Variants in KIAA1217 observed in about 807,000 individuals in gnomAD.
KIAA1217 encodes KIAA1217.
KIAA1217 carries 88 observed loss-of-function variants against 163.9 expected under a neutral mutation model. The observed-to-expected ratio is 0.54, with a 90% CI of 0.45 to 0.64. The LOEUF (loss-of-function observed/expected upper bound fraction) is 0.64. Ranked by LOEUF, KIAA1217 falls within the 30% of genes least tolerant of loss-of-function variation. The probability of loss-of-function intolerance (pLI) is 0.00; values close to 1 mark genes in which losing one functional copy is unlikely to be tolerated. For missense variants in KIAA1217, 2,372 were observed against 2,475.0 expected (o/e 0.96, Z 0.88); for synonymous variants, 903 against 923.1 (o/e 0.98, Z 0.39).
At chr10:24,413,553 C>A (rs1263437492) in intron 3 of KIAA1217, among the ~76,000 whole-genome samples, 1 of 152,176 alleles carries the variant, frequency 6.6e-6, no homozygotes, top group East Asian at 1.9e-4. Flanking sequence ...TGTTGCCTTG[C>A]AGCTCAATCA....
Position 24,545,712 on chromosome 10 carries a change from T to G in KIAA1217, c.5335-115T>G. 8 of 1,502,660 alleles carry G rather than the reference T, an allele frequency of 5.3e-6. No homozygotes were observed. In the South Asian group the frequency reaches 1.1e-4, roughly 21 times the overall value. The allele number at this position is 1,502,660 out of a possible 1,614,324, so 93.1% of individuals were successfully genotyped here. A position where few individuals can be genotyped will look rare whatever the true frequency, so the allele number is the denominator to read the frequency against. On this transcript the variant is annotated intron_variant, in intron 20 of 20. Coordinates refer to ENST00000376454, the MANE Select transcript of KIAA1217 (RefSeq NM_019590.5). ...GACTTAGCTCAGGCCTTGAACTGTG[T>G]TTGGTTGGTTTTCTTTGATTGAATT...
chr10:23,745,597 G>GTA (rs1351829452), intron 1 of KIAA1217, among the ~76,000 whole-genome samples: 3 of 152,164 alleles, frequency 2.0e-5, no homozygotes, highest in African/African-American at 4.8e-5. Flanking sequence ...AGTTTTAGCT[G>GTA]TATATATATT....
At chr10:23,899,508 G>A (rs1032989512) in intron 1 of KIAA1217, among the ~76,000 whole-genome samples, 2 of 152,142 alleles carry the variant, frequency 1.3e-5, no homozygotes, top group South Asian at 2.1e-4. Context: ...GGGAAAGAGA[G>A]AGAGAAAGTA....
At chr10:24,418,124 T>C (rs969007251) in intron 3 of KIAA1217, among the ~76,000 whole-genome samples, 6 of 150,394 alleles carry the variant, frequency 4.0e-5, no homozygotes, top group Non-Finnish European at 1.5e-5. Context: ...AAAATGCTGC[T>C]TTTTTTTTAT....
intron 2 of KIAA1217, among the ~76,000 whole-genome samples, chr10:24,346,332 C>T (rs930680287): frequency 1.1e-4 from 16 of 151,752 alleles, no homozygotes; most frequent in Admixed American, 8.5e-4. Flanking sequence ...ATTTGCTGGG[C>T]ATGGTGGCGG....
intron 3 of KIAA1217, among the ~76,000 whole-genome samples, chr10:24,402,516 C>CAAAAACAA (rs2056667285): frequency 1.1e-5 from 1 of 92,988 alleles, no homozygotes; most frequent in African/African-American, 4.3e-5. Flanking sequence ...CTCAAAAAAA[C>CAAAAACAA]AAAAAACAAA....
chr10:24,099,569 T>TTATATATATA (rs529207171), intron 2 of KIAA1217, among the ~76,000 whole-genome samples: 22 of 144,204 alleles, frequency 1.5e-4, no homozygotes, highest in African/African-American at 5.6e-4. Flanking sequence ...CACATTTTCT[T>TTATATATATA]TATATATATA....
intron 1 of KIAA1217, among the ~76,000 whole-genome samples, chr10:23,786,644 T>C (rs1287888071): frequency 6.6e-6 from 1 of 152,164 alleles, no homozygotes; most frequent in Non-Finnish European, 1.5e-5. Context: ...CCTGTAATCA[T>C]TAAGCATAGG....
intron 2 of KIAA1217, among the ~76,000 whole-genome samples, chr10:24,169,463 T>G (rs1302234347): frequency 6.8e-6 from 1 of 147,830 alleles, no homozygotes; most frequent in Admixed American, 6.7e-5. Flanking sequence ...GACCACTCAT[T>G]GTTTACCATT....
Position 24,025,460 on chromosome 10 carries a change from G to A in KIAA1217, c.-171+18086G>A, listed in dbSNP as rs189142289. Among the ~76,000 whole-genome samples, 538 of 151,534 alleles carry A rather than the reference G, an allele frequency of 3.6e-3. 1 individual carries two copies. Among genetic ancestry groups the A allele is most frequent in the Non-Finnish European group, 6.2e-3 (417 of 67,630 alleles). On this transcript the variant is annotated intron_variant, in intron 2 of 18. Coordinates refer to the KIAA1217 transcript ENST00000376462. ...ATGAAGAGTTAGCTCTTCCACTTTCGTTCTTTCTTTTCAAAATTCTTTTGG... is the reference window on the plus strand; with the variant it reads ...ATGAAGAGTTAGCTCTTCCACTTTCATTCTTTCTTTTCAAAATTCTTTTGG...
chr10:24,179,818 C>T (rs2066083176), intron 2 of KIAA1217, among the ~76,000 whole-genome samples: 2 of 152,048 alleles, frequency 1.3e-5, no homozygotes, highest in Admixed American at 6.6e-5. Context: ...GAACTCCTGA[C>T]CTCAAGTGAT....
intron 1 of KIAA1217, among the ~76,000 whole-genome samples, chr10:23,716,785 G>T (rs1280697306): frequency 6.6e-6 from 1 of 152,074 alleles, no homozygotes; most frequent in African/African-American, 2.4e-5. Context: ...TTGTGGCTTT[G>T]TTTATTAAAG....
intron 2 of KIAA1217, among the ~76,000 whole-genome samples, chr10:24,132,700 A>C (rs984145140): frequency 1.4e-4 from 22 of 152,224 alleles, no homozygotes; most frequent in Non-Finnish European, 2.9e-5. Flanking sequence ...GGTTCTATAC[A>C]TGAAACATTT....
At chr10:24,318,262 G>T (rs755256273) in intron 2 of KIAA1217, among the ~76,000 whole-genome samples, 1 of 152,014 alleles carries the variant, frequency 6.6e-6, no homozygotes, top group South Asian at 2.1e-4. Flanking sequence ...AGATGAATAG[G>T]TAGGTAGATA....
At chr10:24,256,867 C>T (rs2075220618) in intron 2 of KIAA1217, among the ~76,000 whole-genome samples, 1 of 152,120 alleles carries the variant, frequency 6.6e-6, no homozygotes, top group African/African-American at 2.4e-5. Flanking sequence ...ATCTGGTCAA[C>T]AGAGAATAAC....
At chr10:24,532,931 A>G in intron 15 of KIAA1217, 139 bp from the exon 16 acceptor site, 2 of 669,300 alleles carry the variant, frequency 3.0e-6, no homozygotes, top group Admixed American at 6.6e-5. Context: ...GCAAAGGAAT[A>G]AAATAGCCTT....
Position 24,304,828 on chromosome 10 carries a change from G to A in KIAA1217, c.355-76041G>A, listed in dbSNP as rs111688768. Among the ~76,000 whole-genome samples the A allele has an allele frequency of 9.7e-4, 147 of 152,278 alleles. 1 individual carries two copies. Among genetic ancestry groups the A allele is most frequent in the African/African-American group, 3.3e-3 (139 of 41,552 alleles). Reference sequence around the variant, plus strand: ...CTACAAGAGCACATGTGTAGTTTAGGGTGGCTGCATAGGACCTGGGAAGAG... The same window carrying A: ...CTACAAGAGCACATGTGTAGTTTAGAGTGGCTGCATAGGACCTGGGAAGAG... On this transcript the variant is annotated intron_variant, in intron 2 of 20. Transcript: ENST00000376454.
rs141859399 is a variant in KIAA1217, at chr10:23,865,489, C to A, written c.-320-141736C>A. Among the ~76,000 whole-genome samples the A allele has an allele frequency of 6.6e-5, 10 of 152,180 alleles. No individual in the cohort carries two copies. The East Asian group carries it at 1.9e-3, about 29-fold the overall frequency. On this transcript the variant is annotated intron_variant, in intron 1 of 18. Coordinates refer to the KIAA1217 transcript ENST00000376462. The stretch of plus-strand genomic sequence containing the variant: ...CAAGAATTTAACTCTCAATATTTCA[C>A]GTCATTTGCAAATACTATTTTCCTG...
At chr10:23,898,555 T>C (rs1485696168) in intron 1 of KIAA1217, among the ~76,000 whole-genome samples, 1 of 152,102 alleles carries the variant, frequency 6.6e-6, no homozygotes, top group Non-Finnish European at 1.5e-5. Context: ...TTGTGTATTC[T>C]TCTGCAACTT....
Sources: allele counts gnomAD v4.1 joint callset (sites outside exome capture counted in the v4.1 genomes callset), GRCh38; gene constraint gnomAD v4.1.1; transcripts MANE v1.5; gene names NCBI Gene and HGNC (gene_info 2026-07-23, HGNC 2026-07-21).